Variants in PDZRN4 observed in about 807,000 individuals in gnomAD.
PDZRN4 encodes the protein PDZ domain containing ring finger 4.
Under a neutral mutation model 99.0 loss-of-function variants are expected in PDZRN4, and 70 were observed. The observed-to-expected ratio is 0.71, with a 90% confidence interval of 0.58 to 0.86. The LOEUF (loss-of-function observed/expected upper bound fraction) is 0.86. Ranked by LOEUF, PDZRN4 falls within the 40% of genes least tolerant of loss-of-function variation. The probability of loss-of-function intolerance (pLI) is 0.00; values close to 1 mark genes in which losing one functional copy is unlikely to be tolerated. For missense variants in PDZRN4, 1,474 were observed against 1,331.2 expected (o/e 1.11, Z -1.67); for synonymous variants, 551 against 501.6 (o/e 1.10, Z -1.32).
intron 3 of PDZRN4, among the ~76,000 whole-genome samples, chr12:41,238,724 A>G (rs1390135756): frequency 6.6e-6 from 1 of 151,232 alleles, no homozygotes; most frequent in African/African-American, 2.4e-5. Context: ...ATAAAAAATA[A>G]AATAAAAAAC....
At chr12:41,304,279 G>A (rs1951555580) in intron 3 of PDZRN4, among the ~76,000 whole-genome samples, 1 of 152,158 alleles carries the variant, frequency 6.6e-6, no homozygotes, top group South Asian at 2.1e-4. Flanking sequence ...TGATTATGCA[G>A]TCACCGGAAT....
chr12:41,260,888 C>T (rs1160277056), intron 3 of PDZRN4, among the ~76,000 whole-genome samples: 1 of 152,054 alleles, frequency 6.6e-6, no homozygotes, highest in African/African-American at 2.4e-5. Flanking sequence ...CTTCTAACCC[C>T]GTGGTTCTGC....
At chr12:41,351,805 C>T (rs1349751657) in intron 3 of PDZRN4, among the ~76,000 whole-genome samples, 3 of 151,844 alleles carry the variant, frequency 2.0e-5, no homozygotes, top group Non-Finnish European at 4.4e-5. Context: ...GGAGAACACT[C>T]AATATCAAAC....
chr12:41,302,175 C>T (rs778683743), intron 3 of PDZRN4, among the ~76,000 whole-genome samples: 5 of 152,026 alleles, frequency 3.3e-5, no homozygotes, highest in Non-Finnish European at 7.4e-5. Context: ...TATGTACATA[C>T]ATACAGAACT....
intron 3 of PDZRN4, among the ~76,000 whole-genome samples, chr12:41,327,398 C>T (rs1951716739): frequency 6.6e-6 from 1 of 152,190 alleles, no homozygotes; most frequent in African/African-American, 2.4e-5. Flanking sequence ...ACCTAAGACA[C>T]CTAAGCTACA....
chr12:41,437,507 A>G (rs1446338821), intron 3 of PDZRN4, among the ~76,000 whole-genome samples: 3 of 152,150 alleles, frequency 2.0e-5, no homozygotes, highest in Non-Finnish European at 4.4e-5. Context: ...TGGTATTGAC[A>G]CAAGTGAATT....
In PDZRN4 at chr12:41,194,175, A is replaced by T; in HGVS notation, c.830A>T (p.Asp277Val). The T allele has an allele frequency of 6.8e-7, 1 of 1,472,694 alleles. No individual in the cohort carries two copies. The highest frequency in any genetic ancestry group is 1.4e-5 in the African/African-American group (1 of 72,290). 91.2% of individuals were successfully genotyped at this position (1,472,694 alleles called of 1,614,324 possible). A position where few individuals can be genotyped will look rare whatever the true frequency, so the allele number is the denominator to read the frequency against. The change falls in exon 3 of 10, where the codon GAC (aspartate) becomes GTC (valine). Residue 277 changes from aspartate to valine, a missense_variant. Transcript: ENST00000402685. ...AGAGCAGATGGCCTGGAGATTCATG[A>T]CAAAATCATGGAGGTAAGACAATGA... Reference protein sequence around the residue: ...ADRADGLEIHDKIMEVNGKDL... With the variant: ...ADRADGLEIHVKIMEVNGKDL...
intron 5 of PDZRN4, among the ~76,000 whole-genome samples, chr12:41,546,778 A>C (rs987782855): frequency 6.6e-6 from 1 of 152,258 alleles, no homozygotes; most frequent in African/African-American, 2.4e-5. Flanking sequence ...CGAGAGAACA[A>C]AAGTGCTGGA....
chr12:41,410,455 G>A (rs1024766217), intron 3 of PDZRN4, among the ~76,000 whole-genome samples: 27 of 152,088 alleles, frequency 1.8e-4, no homozygotes, highest in African/African-American at 6.3e-4. Flanking sequence ...CTTATCATAG[G>A]CAATGCTATA....
intron 5 of PDZRN4, among the ~76,000 whole-genome samples, chr12:41,534,285 C>A (rs1410051743): frequency 6.7e-6 from 1 of 150,290 alleles, no homozygotes; most frequent in Non-Finnish European, 1.5e-5. Context: ...CTCTTTTTAA[C>A]TTTTTTTTTT....
At chr12:41,280,229 G>A (rs541213270) in intron 3 of PDZRN4, among the ~76,000 whole-genome samples, 2 of 152,294 alleles carry the variant, frequency 1.3e-5, no homozygotes, top group South Asian at 4.1e-4. Context: ...CAGACCAAGA[G>A]ATTCCCTCGG....
intron 3 of PDZRN4, among the ~76,000 whole-genome samples, chr12:41,474,618 C>T (rs555341449): frequency 2.2e-4 from 33 of 152,226 alleles, no homozygotes; most frequent in African/African-American, 7.9e-4. Flanking sequence ...CTCAGGGACA[C>T]TAAAGGTTTT....
chr12:41,445,738 A>G (rs1198739152), intron 3 of PDZRN4, among the ~76,000 whole-genome samples: 2 of 152,038 alleles, frequency 1.3e-5, no homozygotes, highest in Non-Finnish European at 2.9e-5. Flanking sequence ...AATCTTTTCC[A>G]GGCACTGTTT....
rs1592088986 is a variant in PDZRN4, at chr12:41,506,383, T to A, written c.844-73T>A. ...GGGCTGGTTGAAACCTTTCTCTCTG[T>A]CTTTTATTAATCTATCATGACAGCC... On this transcript the variant is annotated intron_variant, in intron 3 of 9. Transcript: ENST00000402685. 7.1e-6 allele frequency: 10 copies of A among 1,403,782 alleles called. No homozygotes were observed. The Admixed American group carries it at 2.0e-4, about 28-fold the overall frequency. The allele number at this position is 1,403,782 out of a possible 1,614,324, so 87.0% of individuals were successfully genotyped here. A position where few individuals can be genotyped will look rare whatever the true frequency, so the allele number is the denominator to read the frequency against.
chr12:41,574,005 T>A lies in PDZRN4; in HGVS notation c.*115T>A. 1 of 665,868 alleles carries A rather than the reference T, an allele frequency of 1.5e-6. No homozygotes were observed. The highest frequency in any genetic ancestry group is 2.3e-6 in the Non-Finnish European group (1 of 437,294). 41.2% of individuals were successfully genotyped at this position (665,868 alleles called of 1,614,324 possible). On this transcript the variant is annotated 3_prime_UTR_variant, in exon 10 of 10. Transcript: ENST00000402685. Reference sequence around the variant, plus strand: ...TATATATTTTGTGACTCTTTATAGTTTAAATTTTTTGTAAGCAAAAAATAC... The same window carrying A: ...TATATATTTTGTGACTCTTTATAGTATAAATTTTTTGTAAGCAAAAAATAC...
chr12:41,373,700 G>A (rs1482529214), intron 3 of PDZRN4, among the ~76,000 whole-genome samples: 2 of 152,060 alleles, frequency 1.3e-5, no homozygotes, highest in African/African-American at 2.4e-5. Context: ...AGGGTCCTGA[G>A]GTGACATACA....
chr12:41,468,887 T>C (rs1249835107), intron 3 of PDZRN4, among the ~76,000 whole-genome samples: 3 of 152,140 alleles, frequency 2.0e-5, no homozygotes, highest in Admixed American at 6.5e-5. Flanking sequence ...CTCACGCCTG[T>C]AGTCCCAGCT....
chr12:41,568,471 A>T lies in PDZRN4; in HGVS notation c.1584+572A>T, dbSNP rs865911845. 2.6e-5 allele frequency among the ~76,000 whole-genome samples: 4 copies of T among 152,162 alleles called. No homozygotes were observed. The East Asian group carries it at 7.7e-4, about 29-fold the overall frequency. Reference sequence around the variant, plus strand: ...TAACTTGTGCAACATTTCTCATAGCATAGTTTGAGATTATTAACATCATTT... The same window carrying T: ...TAACTTGTGCAACATTTCTCATAGCTTAGTTTGAGATTATTAACATCATTT... On this transcript the variant is annotated intron_variant, in intron 9 of 9. Coordinates refer to ENST00000402685, the MANE Select transcript of PDZRN4 (RefSeq NM_001164595.2).
At chr12:41,475,200 G>A (rs1256889865) in intron 3 of PDZRN4, among the ~76,000 whole-genome samples, 1 of 152,104 alleles carries the variant, frequency 6.6e-6, no homozygotes, top group Non-Finnish European at 1.5e-5. Flanking sequence ...ATGATTGAAT[G>A]AATAAGAATT....
Sources: gnomAD v4.1 joint callset for allele counts (sites outside exome capture counted in the v4.1 genomes callset) on GRCh38, gnomAD v4.1.1 for gene constraint, MANE v1.5 for transcripts, NCBI Gene and HGNC (gene_info 2026-07-23, HGNC 2026-07-21) for gene names.